Variants in AGFG1 observed in about 807,000 individuals in gnomAD.
AGFG1 encodes ArfGAP with FG repeats 1, also known as arf-GAP domain and FG repeat-containing protein 1.
AGFG1 carries 10 observed loss-of-function variants against 60.6 expected under a neutral mutation model. That is an observed-to-expected ratio of 0.16 (90% CI 0.10 to 0.28). The LOEUF is 0.28. Ranked by LOEUF, AGFG1 falls within the 10% of genes least tolerant of loss-of-function variation. The pLI, the probability that AGFG1 is intolerant of heterozygous loss-of-function variation, is 1.00. For missense variants in AGFG1, 537 were observed against 676.5 expected (o/e 0.79, Z 2.29); for synonymous variants, 247 against 242.9 (o/e 1.02, Z -0.16).
chr2:227,532,068 C>T lies in AGFG1; in HGVS notation c.814+858C>T, dbSNP rs958110378. The T allele has an allele frequency of 6.4e-6, 8 of 1,254,082 alleles. No homozygotes were observed. The East Asian group carries it at 1.3e-4, about 21-fold the overall frequency. 77.7% of individuals were successfully genotyped at this position (1,254,082 alleles called of 1,614,324 possible). ...TTTAACTCTGTGTATTGTCTTAAAG[C>T]CTTTTCTTTCAATTTTCTTTTTTGT... On this transcript the variant is annotated intron_variant, in intron 6 of 12. Transcript: ENST00000310078.
chr2:227,479,794 T>C (rs1175763984), intron 1 of AGFG1, among the ~76,000 whole-genome samples: 1 of 152,274 alleles, frequency 6.6e-6, no homozygotes, highest in East Asian at 1.9e-4. Flanking sequence ...ATTAATAGCA[T>C]GTTCCTTGTG....
chr2:227,511,376 T>G (rs753624200), intron 2 of AGFG1, among the ~76,000 whole-genome samples: 11 of 152,186 alleles, frequency 7.2e-5, no homozygotes, highest in Non-Finnish European at 1.2e-4. Flanking sequence ...AGTAAATATT[T>G]TAGGCTTTAT....
chr2:227,482,318 A>T (rs1185058314), intron 1 of AGFG1, among the ~76,000 whole-genome samples: 1 of 152,184 alleles, frequency 6.6e-6, no homozygotes, highest in Non-Finnish European at 1.5e-5. Flanking sequence ...GATTTATATC[A>T]TGCTTATTAT....
chr2:227,534,797 A>G lies in AGFG1; in HGVS notation c.1025-48A>G, dbSNP rs200565233. ...ATGGCAAATGTGGTTGATAAGTTGA[A>G]AGTGTAACTTTAAATTTTTGGTGTA... On this transcript the variant is annotated intron_variant, in intron 7 of 12. Coordinates refer to ENST00000310078, the MANE Select transcript of AGFG1 (RefSeq NM_004504.5). 1,201 of 1,596,180 alleles carry G rather than the reference A, an allele frequency of 7.5e-4. 1 individual carries two copies. The highest frequency in any genetic ancestry group is 9.1e-4 in the Non-Finnish European group (1,068 of 1,169,272).
intron 1 of AGFG1, among the ~76,000 whole-genome samples, chr2:227,474,932 T>C (rs1690235285): frequency 6.6e-6 from 1 of 152,230 alleles, no homozygotes; most frequent in South Asian, 2.1e-4. Context: ...GTTTTGGATG[T>C]AGATTTGTTT....
chr2:227,503,454 A>G (rs969610276), intron 2 of AGFG1, among the ~76,000 whole-genome samples: 2 of 152,186 alleles, frequency 1.3e-5, no homozygotes, highest in Non-Finnish European at 2.9e-5. Context: ...TTGACCAACT[A>G]AAGCCTGTGG....
intron 10 of AGFG1, 147 bp downstream of exon 10, chr2:227,537,140 T>C: frequency 1.6e-6 from 1 of 617,694 alleles, no homozygotes; most frequent in Non-Finnish European, 2.8e-6. Flanking sequence ...AGACAAATTC[T>C]AGCTGAAAGT....
intron 3 of AGFG1, 151 bp from the exon 4 acceptor site, chr2:227,523,612 T>TA: frequency 2.8e-6 from 2 of 720,874 alleles, no homozygotes; most frequent in Non-Finnish European, 4.3e-6. Context: ...GTTCCTTTTT[T>TA]AAAAAATATG....
intron 5 of AGFG1, among the ~76,000 whole-genome samples, chr2:227,529,979 C>G (rs1283521770): frequency 6.6e-6 from 1 of 151,764 alleles, no homozygotes; most frequent in Non-Finnish European, 1.5e-5. Context: ...ATGTTAAATA[C>G]TATACAGATG....
intron 11 of AGFG1, among the ~76,000 whole-genome samples, chr2:227,552,831 G>A (rs544941475): frequency 7.9e-5 from 12 of 151,512 alleles, no homozygotes; most frequent in African/African-American, 2.2e-4. Context: ...GAGAAACCCC[G>A]TCTCTACTAA....
intron 1 of AGFG1, among the ~76,000 whole-genome samples, chr2:227,475,004 C>T (rs1380281608): frequency 6.6e-6 from 1 of 151,968 alleles, no homozygotes; most frequent in African/African-American, 2.4e-5. Flanking sequence ...AGCAAGTGCC[C>T]TATAGATGAG....
At chr2:227,477,176 C>G (rs1467270400) in intron 1 of AGFG1, among the ~76,000 whole-genome samples, 1 of 152,208 alleles carries the variant, frequency 6.6e-6, no homozygotes, top group Non-Finnish European at 1.5e-5. Flanking sequence ...GCTGGAATTA[C>G]AGGCATGAGC....
intron 2 of AGFG1, among the ~76,000 whole-genome samples, chr2:227,509,162 C>T (rs781363368): frequency 2.6e-5 from 4 of 152,048 alleles, no homozygotes; most frequent in Non-Finnish European, 5.9e-5. Context: ...AAGTATACAC[C>T]AGTACTGGGA....
intron 1 of AGFG1, among the ~76,000 whole-genome samples, chr2:227,478,793 G>A (rs1000005669): frequency 6.6e-6 from 1 of 152,156 alleles, no homozygotes; most frequent in Non-Finnish European, 1.5e-5. Context: ...TTATAAAACA[G>A]TTTGAATGCT....
At chr2:227,503,666 G>C (rs568969617) in intron 2 of AGFG1, among the ~76,000 whole-genome samples, 2 of 152,306 alleles carry the variant, frequency 1.3e-5, no homozygotes, top group East Asian at 3.9e-4. Context: ...AGATGACTGG[G>C]CTCTTTGGGA....
intron 5 of AGFG1, among the ~76,000 whole-genome samples, chr2:227,525,651 G>C (rs1684035949): frequency 6.6e-6 from 1 of 152,170 alleles, no homozygotes; most frequent in African/African-American, 2.4e-5. Flanking sequence ...GTCCTATACA[G>C]TTTTCAGTAG....
At chr2:227,491,235 G>A (rs189990713) in intron 1 of AGFG1, among the ~76,000 whole-genome samples, 60 of 152,136 alleles carry the variant, frequency 3.9e-4, no homozygotes, top group African/African-American at 1.4e-3. Context: ...CATATGTATA[G>A]TCTTTTCATC....
In AGFG1 at chr2:227,554,638, C is replaced by T; in HGVS notation, c.*143C>T. ...AAAGCCTGCATTGTGTATTAAACAC[C>T]AGGTAATATGTGCAAAACCGAGGGC... On this transcript the variant is annotated 3_prime_UTR_variant, in exon 13 of 13. Transcript: ENST00000310078. 1.5e-6 allele frequency: 1 copy of T among 664,644 alleles called. No homozygotes were observed. Among genetic ancestry groups the T allele is most frequent in the Admixed American group, 3.4e-5 (1 of 29,826 alleles). The allele number at this position is 664,644 out of a possible 1,614,324, so 41.2% of individuals were successfully genotyped here.
chr2:227,513,236 A>C (rs77678640), intron 2 of AGFG1, among the ~76,000 whole-genome samples: 1 of 152,118 alleles, frequency 6.6e-6, no homozygotes, highest in Admixed American at 6.6e-5. Context: ...AGCCCTGTAT[A>C]TATTTATTAT....
Sources: gnomAD v4.1 joint callset for allele counts (sites outside exome capture counted in the v4.1 genomes callset) on GRCh38, gnomAD v4.1.1 for gene constraint, MANE v1.5 for transcripts, NCBI Gene and HGNC (gene_info 2026-07-23, HGNC 2026-07-21) for gene names.